Variants in PAPSS2 observed in about 807,000 individuals in gnomAD.
The protein encoded by PAPSS2 is 3'-phosphoadenosine 5'-phosphosulfate synthase 2.
In PAPSS2, 61 loss-of-function variants were observed where a neutral mutation model predicts 66.5. That is an observed-to-expected ratio of 0.92 (90% CI 0.75 to 1.14). The LOEUF is 1.14. Among genes scored for constraint, PAPSS2 ranks in the 50% most tolerant of loss-of-function variants. PAPSS2 has a pLI of 0.00. For synonymous variants in PAPSS2, 289 were observed against 287.5 expected (o/e 1.01, Z -0.05); for missense variants, 708 against 789.6 (o/e 0.90, Z 1.24).
chr10:87,698,514 A>G (rs1317058667), intron 1 of PAPSS2, among the ~76,000 whole-genome samples: 1 of 152,162 alleles, frequency 6.6e-6, no homozygotes, highest in Non-Finnish European at 1.5e-5. Context: ...TGATATGGTT[A>G]TTTCCCTTAT....
At chr10:87,707,564 C>CTTTTTTTTTTTTT (rs747152482) in intron 1 of PAPSS2, among the ~76,000 whole-genome samples, 108 of 93,962 alleles carry the variant, frequency 1.1e-3, no homozygotes, top group Non-Finnish European at 1.5e-3. Context: ...TCTTTTTTTT[C>CTTTTTTTTTTTTT]TTTTTTTTTT....
intron 1 of PAPSS2, among the ~76,000 whole-genome samples, chr10:87,665,608 C>A (rs185331701): frequency 6.6e-6 from 1 of 152,340 alleles, no homozygotes; most frequent in Non-Finnish European, 1.5e-5. Flanking sequence ...AGGGACCACC[C>A]TCCCCTTTTA....
In PAPSS2 at chr10:87,745,915, C is replaced by G. The variant is rs1242826476; in HGVS notation, c.1805C>G (p.Ala602Gly). 6.2e-7 allele frequency: 1 copy of G among 1,613,936 alleles called. No homozygotes were observed. The highest frequency in any genetic ancestry group is 1.7e-5 in the Admixed American group (1 of 60,014). The stretch of plus-strand genomic sequence containing the variant: ...GAGAATCCCCCAGATGGCTTCATGG[C>G]CCCCAAAGCATGGAAGGTCCTGACA... ...EGENPPDGFM[A>G]PKAWKVLTDY... is the part of the protein sequence containing the mutation. Residue 602 changes from alanine (A) to glycine (G), a missense_variant, in exon 13 of 13, where the codon GCC becomes GGC. Ala to Gly is a moderately conservative substitution (Grantham distance 60). Coordinates refer to ENST00000456849, the MANE Select transcript of PAPSS2 (RefSeq NM_001015880.2).
At chr10:87,706,182 C>T (rs1853387982) in intron 1 of PAPSS2, among the ~76,000 whole-genome samples, 1 of 140,680 alleles carries the variant, frequency 7.1e-6, no homozygotes, top group African/African-American at 2.7e-5. Context: ...GCCCCAGTTA[C>T]CTCATCTTTT....
At chr10:87,701,926 A>G (rs1853324212) in intron 1 of PAPSS2, among the ~76,000 whole-genome samples, 1 of 152,248 alleles carries the variant, frequency 6.6e-6, no homozygotes, top group South Asian at 2.1e-4. Context: ...AGAAGTGGGT[A>G]TATCGTGGTA....
At chr10:87,683,570 C>A (rs1319613332) in intron 1 of PAPSS2, among the ~76,000 whole-genome samples, 1 of 152,172 alleles carries the variant, frequency 6.6e-6, no homozygotes, top group Non-Finnish European at 1.5e-5. Context: ...AAATGATGAT[C>A]CTGCATAATT....
chr10:87,661,881 A>C (rs911945309), intron 1 of PAPSS2, among the ~76,000 whole-genome samples: 34 of 152,274 alleles, frequency 2.2e-4, no homozygotes, highest in African/African-American at 7.7e-4. Flanking sequence ...CGCAGTTATA[A>C]CCCAGGCACC....
intron 1 of PAPSS2, among the ~76,000 whole-genome samples, chr10:87,704,841 C>A (rs1035704587): frequency 1.3e-5 from 2 of 152,076 alleles, no homozygotes; most frequent in African/African-American, 4.8e-5. Flanking sequence ...AGGGTTTTAC[C>A]GTATCAGCTA....
intron 1 of PAPSS2, among the ~76,000 whole-genome samples, chr10:87,684,100 C>G (rs1024847252): frequency 1.3e-5 from 2 of 152,156 alleles, no homozygotes; most frequent in African/African-American, 4.8e-5. Flanking sequence ...TGTACCAGTA[C>G]GTGTTGTCAA....
intron 1 of PAPSS2, among the ~76,000 whole-genome samples, chr10:87,693,936 C>G (rs774583434): frequency 6.6e-6 from 1 of 152,142 alleles, no homozygotes; most frequent in Admixed American, 6.5e-5. Flanking sequence ...GTGACTGTAA[C>G]TAAAGTTTGG....
chr10:87,713,576 G>A (rs1222242445), intron 3 of PAPSS2, among the ~76,000 whole-genome samples: 1 of 152,158 alleles, frequency 6.6e-6, no homozygotes, highest in Non-Finnish European at 1.5e-5. Context: ...AACATTTGGT[G>A]AGAGTCGAAG....
chr10:87,688,571 T>C (rs1027600386), intron 1 of PAPSS2, among the ~76,000 whole-genome samples: 2 of 152,026 alleles, frequency 1.3e-5, no homozygotes, highest in Admixed American at 6.6e-5. Flanking sequence ...GCCGTTCTCC[T>C]GCCTCAGCCT....
intron 1 of PAPSS2, among the ~76,000 whole-genome samples, chr10:87,684,487 G>GTC (rs1853063320): frequency 6.6e-6 from 1 of 152,240 alleles, no homozygotes; most frequent in Non-Finnish European, 1.5e-5. Context: ...GTCCAACACA[G>GTC]GATGTCTGCC....
rs1231691555 is a variant in PAPSS2 at position 87,667,883 on chromosome 10, C to T, written c.27+7875C>T. On this transcript the variant is annotated intron_variant, in intron 1 of 12. Coordinates refer to ENST00000456849, the MANE Select transcript of PAPSS2 (RefSeq NM_001015880.2). ...ATATTTGGTTTAAATGTCTAGTTAA[C>T]ACCTGCTTTATGTTTTATTATTGAT... is the stretch of plus-strand genomic sequence containing the variant. Among the ~76,000 whole-genome samples the T allele has an allele frequency of 3.9e-5, 6 of 152,174 alleles. No individual in the cohort carries two copies. In the East Asian group the frequency reaches 1.2e-3, roughly 29 times the overall value.
At position 87,743,251 on chromosome 10, in the gene PAPSS2, A is replaced by AG. The variant is rs1853892465; in HGVS notation, c.1223-122_1223-121insG. On this transcript the variant is annotated intron_variant, in intron 10 of 12. Transcript: ENST00000456849. ...CAGAGTGAGACTCTTTCAAAAAAAAAAAAAAAAGCCAGTGGATAATGAATG... is the reference window on the plus strand; with the variant it reads ...CAGAGTGAGACTCTTTCAAAAAAAAAGAAAAAAAGCCAGTGGATAATGAATG... 4.5e-6 allele frequency: 5 copies of AG among 1,115,410 alleles called. No individual in the cohort carries two copies. In the South Asian group the frequency reaches 5.4e-5, roughly 12 times the overall value. The allele number at this position is 1,115,410 out of a possible 1,614,324, so 69.1% of individuals were successfully genotyped here.
In PAPSS2 at chr10:87,718,257, T is replaced by A. The variant is rs893030734; in HGVS notation, c.865+2414T>A. On this transcript the variant is annotated intron_variant, in intron 7 of 12. Coordinates refer to ENST00000456849, the MANE Select transcript of PAPSS2 (RefSeq NM_001015880.2). ...GTTGGCCAGGCTGGTCTTGAGCTCCTTGACTTCAGATAATCTGCCCGCCTC... is the reference window on the plus strand; with the variant it reads ...GTTGGCCAGGCTGGTCTTGAGCTCCATGACTTCAGATAATCTGCCCGCCTC... Among the ~76,000 whole-genome samples, 4 of 152,234 alleles carry A rather than the reference T, an allele frequency of 2.6e-5. No individual in the cohort carries two copies. In the East Asian group the frequency reaches 7.7e-4, roughly 29 times the overall value.
In PAPSS2 at chr10:87,743,960, G is replaced by C. The variant is rs75187208; in HGVS notation, c.1491+319G>C. Among the ~76,000 whole-genome samples, 2,281 of 152,122 alleles carry C rather than the reference G, an allele frequency of 0.015. 58 individuals are homozygous for C. Among genetic ancestry groups the C allele is most frequent in the African/African-American group, 0.051 (2,112 of 41,490 alleles). On this transcript the variant is annotated intron_variant, in intron 11 of 12. Coordinates refer to ENST00000456849, the MANE Select transcript of PAPSS2 (RefSeq NM_001015880.2). ...CTACTAAAAATACAAAAATTAGCTG[G>C]GCATAGTGGCATGCCCCTGTAATCC...
chr10:87,695,715 G>T (rs895605994), intron 1 of PAPSS2, among the ~76,000 whole-genome samples: 13 of 152,200 alleles, frequency 8.5e-5, no homozygotes, highest in African/African-American at 2.9e-4. Context: ...AACAGGATGT[G>T]CGGATACATA....
chr10:87,679,617 T>A (rs1397790045), intron 1 of PAPSS2, among the ~76,000 whole-genome samples: 1 of 152,206 alleles, frequency 6.6e-6, no homozygotes, highest in Non-Finnish European at 1.5e-5. Flanking sequence ...ATTTTTTTTA[T>A]GTGTGTTAAA....
Sources: gnomAD v4.1 joint callset for allele counts (sites outside exome capture counted in the v4.1 genomes callset) on GRCh38, gnomAD v4.1.1 for gene constraint, MANE v1.5 for transcripts, NCBI Gene and HGNC (gene_info 2026-07-23, HGNC 2026-07-21) for gene names.